ADGRL4: variants seen among roughly 807,000 people sequenced by gnomAD.
The protein encoded by ADGRL4 is EGF, latrophilin and seven transmembrane domain containing 1.
Under a neutral mutation model 74.8 loss-of-function variants are expected in ADGRL4, and 90 were observed. That is an observed-to-expected ratio of 1.20 (90% CI 1.02 to 1.43). The LOEUF (loss-of-function observed/expected upper bound fraction) is 1.43. Ranked by LOEUF, ADGRL4 falls within the 40% of genes most tolerant of loss-of-function variation. The pLI, the probability that ADGRL4 is intolerant of heterozygous loss-of-function variation, is 0.00. For synonymous variants in ADGRL4, 311 were observed against 279.2 expected, an observed-to-expected ratio of 1.11 and a Z score of -1.14; for missense variants, 881 against 814.3, an observed-to-expected ratio of 1.08 and a Z score of -1.00.
intron 10 of ADGRL4, among the ~76,000 whole-genome samples, chr1:78,918,771 C>T (rs931889928): frequency 3.3e-5 from 5 of 151,506 alleles, no homozygotes; most frequent in Non-Finnish European, 7.4e-5. Context: ...ATTAAAAAAA[C>T]AGAATATAAT....
intron 2 of ADGRL4, among the ~76,000 whole-genome samples, chr1:78,985,330 A>G (rs7527803): frequency 0.14 from 21,746 of 151,740 alleles, 1,889 homozygotes; most frequent in East Asian, 0.35. Context: ...AGGCTTACAA[A>G]GTAAGGATTT....
At chr1:78,999,387 T>G (rs566347611) in intron 2 of ADGRL4, among the ~76,000 whole-genome samples, 1 of 152,212 alleles carries the variant, frequency 6.6e-6, no homozygotes, top group Admixed American at 6.5e-5. Context: ...TAAAATGTAT[T>G]ATAATCCACA....
At chr1:78,901,678 C>G (rs1179556120) in intron 12 of ADGRL4, among the ~76,000 whole-genome samples, 3 of 152,140 alleles carry the variant, frequency 2.0e-5, no homozygotes, top group Admixed American at 1.3e-4. Context: ...TGTCAAAATT[C>G]ACAGCAAGTA....
At chr1:78,959,111 T>C (rs1649891086) in intron 2 of ADGRL4, among the ~76,000 whole-genome samples, 1 of 152,204 alleles carries the variant, frequency 6.6e-6, no homozygotes. Flanking sequence ...AATGTAAACA[T>C]AACTTATGTG....
chr1:78,941,756 T>C (rs900674917), intron 3 of ADGRL4, among the ~76,000 whole-genome samples: 4 of 152,184 alleles, frequency 2.6e-5, no homozygotes, highest in Non-Finnish European at 5.9e-5. Flanking sequence ...TAATTTCTCT[T>C]GCAATCTCTT....
chr1:78,956,285 T>C (rs1176297706), intron 2 of ADGRL4, among the ~76,000 whole-genome samples: 2 of 152,202 alleles, frequency 1.3e-5, no homozygotes, highest in South Asian at 4.1e-4. Context: ...GTTTAAGCTG[T>C]CGGATACATG....
At chr1:78,935,372 G>A (rs1252505111) in intron 7 of ADGRL4, among the ~76,000 whole-genome samples, 1 of 151,984 alleles carries the variant, frequency 6.6e-6, no homozygotes, top group Non-Finnish European at 1.5e-5. Flanking sequence ...ATGGACACAG[G>A]GAGGGGAACA....
intron 2 of ADGRL4, among the ~76,000 whole-genome samples, chr1:78,996,690 TTC>T (rs1391382165): frequency 6.6e-6 from 1 of 152,212 alleles, no homozygotes; most frequent in Non-Finnish European, 1.5e-5. Flanking sequence ...CTCAGTTTTG[TTC>T]TCTTATTTTC....
chr1:78,957,683 A>G (rs561510497), intron 2 of ADGRL4, among the ~76,000 whole-genome samples: 8 of 152,318 alleles, frequency 5.3e-5, no homozygotes, highest in African/African-American at 1.9e-4. Flanking sequence ...TCCATAATAT[A>G]AAAGTGCAAG....
intron 7 of ADGRL4, among the ~76,000 whole-genome samples, chr1:78,933,027 G>A (rs1649279500): frequency 6.6e-6 from 1 of 151,380 alleles, no homozygotes; most frequent in African/African-American, 2.5e-5. Context: ...TATTCCTTTT[G>A]AAACTATTCC....
Position 78,946,283 on chromosome 1 carries a change from C to T in ADGRL4, c.316G>A (p.Val106Ile), listed in dbSNP as rs41313381. The T allele has an allele frequency of 5.0e-5, 81 of 1,610,088 alleles. No individual in the cohort carries two copies. Among genetic ancestry groups the T allele is most frequent in the Admixed American group, 6.7e-5 (4 of 59,458 alleles). ...AGATAACCGAACTTACCTATACAGA[C>T]GGTTCCATCATTAGTGATAAACCTG... Reference protein sequence around the residue: ...QDRFITNDGTVCIENVNANCH... With the variant: ...QDRFITNDGTICIENVNANCH... The change falls in exon 3 of 15, where the codon GTC becomes ATC. Residue 106 changes from valine (V) to isoleucine (I), a missense_variant. Coordinates refer to ENST00000370742, the MANE Select transcript of ADGRL4 (RefSeq NM_022159.4).
intron 2 of ADGRL4, among the ~76,000 whole-genome samples, chr1:78,973,105 T>C (rs566237041): frequency 6.6e-6 from 1 of 152,264 alleles, no homozygotes; most frequent in East Asian, 1.9e-4. Context: ...GTTTTAGTCT[T>C]TTTTCCTTAG....
At chr1:78,901,546 A>G (rs1024052512) in intron 12 of ADGRL4, among the ~76,000 whole-genome samples, 14 of 152,218 alleles carry the variant, frequency 9.2e-5, no homozygotes, top group African/African-American at 3.1e-4. Context: ...CTTGGTACAC[A>G]TGGTACAGTT....
intron 2 of ADGRL4, among the ~76,000 whole-genome samples, chr1:78,994,168 A>T (rs1650669687): frequency 6.6e-6 from 1 of 152,188 alleles, no homozygotes; most frequent in South Asian, 2.1e-4. Flanking sequence ...GAAAACAAAG[A>T]TATTACAGAG....
In ADGRL4 at chr1:78,944,701, C is replaced by T. The variant is rs185624662; in HGVS notation, c.325+1573G>A. Among the ~76,000 whole-genome samples the T allele has an allele frequency of 9.5e-4, 145 of 152,230 alleles. 1 individual carries two copies. Among genetic ancestry groups the T allele is most frequent in the African/African-American group, 3.4e-3 (140 of 41,532 alleles). On this transcript the variant is annotated intron_variant, in intron 3 of 14. Coordinates refer to ENST00000370742, the MANE Select transcript of ADGRL4 (RefSeq NM_022159.4). ...GGAAATAACAAAGGGTTTTTAGATA[C>T]AAGACTGTGAGTGTAGCCTTACCTT...
At chr1:78,997,179 T>C (rs1228292295) in intron 2 of ADGRL4, among the ~76,000 whole-genome samples, 3 of 151,968 alleles carry the variant, frequency 2.0e-5, no homozygotes, top group Non-Finnish European at 4.4e-5. Context: ...AAAAAAAAGA[T>C]TAAAAGAAGT....
chr1:78,916,267 C>T (rs543901192), intron 12 of ADGRL4, among the ~76,000 whole-genome samples: 1 of 151,938 alleles, frequency 6.6e-6, no homozygotes, highest in South Asian at 2.1e-4. Context: ...TTCTATCATG[C>T]TACTTTTTAT....
intron 12 of ADGRL4, among the ~76,000 whole-genome samples, chr1:78,904,184 T>A (rs954870002): frequency 2.0e-5 from 3 of 151,816 alleles, no homozygotes; most frequent in Non-Finnish European, 4.4e-5. Flanking sequence ...TTGCTGAAGA[T>A]TTGAAGAAAT....
intron 2 of ADGRL4, among the ~76,000 whole-genome samples, chr1:79,004,010 C>T (rs11162588): frequency 0.39 from 59,759 of 151,634 alleles, 12,658 homozygotes; most frequent in Middle Eastern, 0.49. Context: ...AAATATTCAA[C>T]CTAATTATGA....
Sources: gnomAD v4.1 joint callset for allele counts (sites outside exome capture counted in the v4.1 genomes callset) on GRCh38, gnomAD v4.1.1 for gene constraint, MANE v1.5 for transcripts, NCBI Gene and HGNC (gene_info 2026-07-23, HGNC 2026-07-21) for gene names.